NR6A1: variants seen among roughly 807,000 people sequenced by gnomAD.
The protein encoded by NR6A1 is retinoic acid receptor-related testis-associated receptor.
NR6A1 carries 7 observed loss-of-function variants against 59.1 expected under a neutral mutation model. That is an observed-to-expected ratio of 0.12 (90% CI 0.07 to 0.22). The LOEUF (loss-of-function observed/expected upper bound fraction) is 0.22, where lower values mean the gene tolerates loss of function less well. Among genes scored for constraint, NR6A1 ranks in the 10% least tolerant of loss-of-function variants. The pLI, the probability that NR6A1 is intolerant of heterozygous loss-of-function variation, is 1.00. For missense variants in NR6A1, 468 were observed against 611.6 expected (o/e 0.77, Z 2.48); for synonymous variants, 243 against 236.1 (o/e 1.03, Z -0.27).
At chr9:124,759,498 A>G (rs1476908080) in intron 1 of NR6A1, among the ~76,000 whole-genome samples, 4 of 152,192 alleles carry the variant, frequency 2.6e-5, no homozygotes, top group South Asian at 4.1e-4. Flanking sequence ...CCTTTCCCTT[A>G]TATTTTGTAG....
intron 2 of NR6A1, among the ~76,000 whole-genome samples, chr9:124,625,504 T>C (rs1836211897): frequency 6.6e-6 from 1 of 152,140 alleles, no homozygotes; most frequent in South Asian, 2.1e-4. Context: ...TTCTTTTTTG[T>C]AGAGGTGGGG....
intron 2 of NR6A1, among the ~76,000 whole-genome samples, chr9:124,634,175 A>G (rs1434988481): frequency 7.9e-5 from 12 of 152,358 alleles, no homozygotes; most frequent in African/African-American, 2.6e-4. Flanking sequence ...AAAAACAGAT[A>G]TAGATTTTTA....
intron 2 of NR6A1, among the ~76,000 whole-genome samples, chr9:124,694,019 G>A (rs981656754): frequency 1.3e-5 from 2 of 151,966 alleles, no homozygotes; most frequent in African/African-American, 2.4e-5. Context: ...ATACATATCT[G>A]GATATCACAT....
chr9:124,539,633 T>C (rs532527583), intron 5 of NR6A1, among the ~76,000 whole-genome samples: 25 of 152,336 alleles, frequency 1.6e-4, no homozygotes, highest in Non-Finnish European at 3.4e-4. Flanking sequence ...CAATGTTTCT[T>C]AAAATTTATA....
At chr9:124,542,996 C>T (rs12348100) in intron 4 of NR6A1, among the ~76,000 whole-genome samples, 20,124 of 152,160 alleles carry the variant, frequency 0.13, 3,620 homozygotes, top group African/African-American at 0.4. Context: ...ACAAGTGGTG[C>T]AGGCTGGCCC....
chr9:124,673,567 T>C (rs1386513066), intron 2 of NR6A1, among the ~76,000 whole-genome samples: 2 of 152,040 alleles, frequency 1.3e-5, no homozygotes, highest in Admixed American at 1.3e-4. Flanking sequence ...ATAAATATCA[T>C]AGATGCTTAA....
At chr9:124,544,461 T>C (rs1049878319) in intron 3 of NR6A1, among the ~76,000 whole-genome samples, 1 of 152,188 alleles carries the variant, frequency 6.6e-6, no homozygotes, top group Admixed American at 6.5e-5. Context: ...CATCACTCTT[T>C]ATGGAACACT....
At chr9:124,624,489 G>A (rs1187390926) in intron 2 of NR6A1, among the ~76,000 whole-genome samples, 4 of 152,068 alleles carry the variant, frequency 2.6e-5, no homozygotes, top group African/African-American at 9.7e-5. Flanking sequence ...TTTCATATTA[G>A]GTATCTTTTC....
At chr9:124,598,985 G>A (rs1835365154) in intron 2 of NR6A1, 3 of 731,746 alleles carry the variant, frequency 4.1e-6, no homozygotes, top group African/African-American at 1.7e-5. Context: ...CACCATTGGC[G>A]TGTAGTGGTT....
At chr9:124,534,376 G>C (rs1326534198) in intron 7 of NR6A1, among the ~76,000 whole-genome samples, 1 of 152,092 alleles carries the variant, frequency 6.6e-6, no homozygotes, top group African/African-American at 2.4e-5. Context: ...CTGGCTATAA[G>C]ACTTTTCATA....
chr9:124,536,625 A>G (rs1348624936), intron 6 of NR6A1, among the ~76,000 whole-genome samples: 1 of 151,986 alleles, frequency 6.6e-6, no homozygotes, highest in Non-Finnish European at 1.5e-5. Context: ...AGATTGCGCT[A>G]ATGCACTTCA....
intron 2 of NR6A1, among the ~76,000 whole-genome samples, chr9:124,659,289 G>T (rs545074429): frequency 6.6e-6 from 1 of 152,136 alleles, no homozygotes; most frequent in Non-Finnish European, 1.5e-5. Context: ...GCGGGAGCGG[G>T]GGGGCGGGTA....
rs928587957 is a variant in NR6A1, at chr9:124,665,183, CA to C, written c.142+68124del. Among the ~76,000 whole-genome samples, 909 of 124,940 alleles carry C rather than the reference CA, an allele frequency of 7.3e-3. 3 individuals are homozygous for C. The highest frequency in any genetic ancestry group is 0.022 in the South Asian group (80 of 3,640). The allele number at this position is 124,940 out of a possible 152,430, so 82.0% of individuals were successfully genotyped here. A position where few individuals can be genotyped will look rare whatever the true frequency, so the allele number is the denominator to read the frequency against. ...CCAGGGTGACAACAAGAACCTTTCT[CA>C]AAAAAAAAAAAAAGAATAAAATAAA... On this transcript the variant is annotated intron_variant, in intron 2 of 9. Transcript: ENST00000487099.
intron 2 of NR6A1, among the ~76,000 whole-genome samples, chr9:124,635,047 T>C (rs1245543328): frequency 6.6e-6 from 1 of 152,128 alleles, no homozygotes; most frequent in Admixed American, 6.5e-5. Context: ...CTCTTGGGTG[T>C]TGTATATTAA....
intron 2 of NR6A1, among the ~76,000 whole-genome samples, chr9:124,722,364 C>T (rs1839587318): frequency 6.6e-6 from 1 of 152,158 alleles, no homozygotes; most frequent in African/African-American, 2.4e-5. Flanking sequence ...TCACTCTCTG[C>T]AGACATTTGG....
intron 2 of NR6A1, among the ~76,000 whole-genome samples, chr9:124,713,277 TA>T (rs1413200243): frequency 1.3e-5 from 2 of 151,444 alleles, no homozygotes; most frequent in African/African-American, 4.9e-5. Flanking sequence ...GACTTAAACA[TA>T]AGCCCTAAAC....
intron 2 of NR6A1, among the ~76,000 whole-genome samples, chr9:124,627,515 T>G (rs1217239194): frequency 2.0e-5 from 3 of 152,188 alleles, no homozygotes; most frequent in Non-Finnish European, 4.4e-5. Context: ...AGTAAGCAAC[T>G]TGATTCTAGC....
chr9:124,753,246 T>C (rs1365201665), intron 1 of NR6A1, among the ~76,000 whole-genome samples: 2 of 152,230 alleles, frequency 1.3e-5, no homozygotes, highest in East Asian at 3.8e-4. Context: ...TAGTGCTTAC[T>C]AATCTCTCTA....
chr9:124,692,619 G>A (rs141226963), intron 2 of NR6A1: 1 of 337,520 alleles, frequency 3.0e-6, no homozygotes, highest in East Asian at 8.9e-5. Context: ...GAGTTCACCA[G>A]AAATGGTCCT....
Sources: allele counts gnomAD v4.1 joint callset (sites outside exome capture counted in the v4.1 genomes callset), GRCh38; gene constraint gnomAD v4.1.1; transcripts MANE v1.5; gene names NCBI Gene and HGNC (gene_info 2026-07-23, HGNC 2026-07-21).